Variants in RAD51B observed in about 807,000 individuals in gnomAD.
The protein encoded by RAD51B is RAD51 paralog B, also known as DNA repair protein RAD51 homolog 2.
RAD51B carries 38 observed loss-of-function variants against 42.2 expected under a neutral mutation model. That is an observed-to-expected ratio of 0.90 (90% confidence interval 0.70 to 1.18). The LOEUF (loss-of-function observed/expected upper bound fraction) is 1.18, where lower values mean the gene tolerates loss of function less well. Among genes scored for constraint, RAD51B ranks in the 50% most tolerant of loss-of-function variants. The pLI, the probability that RAD51B is intolerant of heterozygous loss-of-function variation, is 0.00. For synonymous variants in RAD51B, 154 were observed against 145.2 expected (o/e 1.06, Z -0.43); for missense variants, 373 against 400.7 (o/e 0.93, Z 0.59).
At chr14:68,581,630 T>C (rs1890212905) in intron 10 of RAD51B, among the ~76,000 whole-genome samples, 1 of 152,182 alleles carries the variant, frequency 6.6e-6, no homozygotes, top group Non-Finnish European at 1.5e-5. Flanking sequence ...TACCATTGAC[T>C]TTCTTCACAA....
chr14:68,593,303 T>C (rs1890839738), intron 10 of RAD51B, among the ~76,000 whole-genome samples: 1 of 152,234 alleles, frequency 6.6e-6, no homozygotes, highest in Non-Finnish European at 1.5e-5. Flanking sequence ...TTCTAAGGAC[T>C]AAATGAGTTA....
At chr14:68,124,681 T>C (rs965869124) in intron 7 of RAD51B, among the ~76,000 whole-genome samples, 3 of 152,096 alleles carry the variant, frequency 2.0e-5, no homozygotes, top group East Asian at 1.9e-4. Context: ...AGGCCGGGTG[T>C]GGTGGCTCAC....
At chr14:68,589,202 A>G (rs1480779968) in intron 10 of RAD51B, among the ~76,000 whole-genome samples, 1 of 152,218 alleles carries the variant, frequency 6.6e-6, no homozygotes. Context: ...AATATGGTCA[A>G]TAAATGGTAG....
intron 7 of RAD51B, among the ~76,000 whole-genome samples, chr14:68,046,627 T>G (rs2076305005): frequency 6.6e-6 from 1 of 152,140 alleles, no homozygotes; most frequent in East Asian, 1.9e-4. Context: ...TCCCAACTAC[T>G]CTGGAGGCTG....
chr14:68,524,256 T>C (rs552336289), intron 10 of RAD51B, among the ~76,000 whole-genome samples: 2 of 152,330 alleles, frequency 1.3e-5, no homozygotes, highest in South Asian at 2.1e-4. Flanking sequence ...AAATGAGCTA[T>C]GCATGTCAAA....
intron 7 of RAD51B, among the ~76,000 whole-genome samples, chr14:68,078,039 T>C (rs1216503784): frequency 6.6e-6 from 1 of 152,240 alleles, no homozygotes; most frequent in Non-Finnish European, 1.5e-5. Flanking sequence ...GTGAGCTACC[T>C]AGTATTCTAG....
chr14:67,911,736 T>C (rs1167853833), intron 7 of RAD51B, among the ~76,000 whole-genome samples: 1 of 152,200 alleles, frequency 6.6e-6, no homozygotes, highest in Non-Finnish European at 1.5e-5. Flanking sequence ...AGTCAGGAGA[T>C]GTAACCTTAG....
intron 9 of RAD51B, among the ~76,000 whole-genome samples, chr14:68,447,705 G>A (rs1566889999): frequency 6.6e-6 from 1 of 151,992 alleles, no homozygotes; most frequent in Non-Finnish European, 1.5e-5. Context: ...TCATTTTTGG[G>A]TTTTAGTTAG....
intron 7 of RAD51B, among the ~76,000 whole-genome samples, chr14:68,089,536 A>G (rs1253158770): frequency 6.6e-6 from 1 of 152,114 alleles, no homozygotes; most frequent in Admixed American, 6.6e-5. Flanking sequence ...TCAGAACTCA[A>G]TACCCTACTA....
chr14:68,333,537 T>C (rs73272301), intron 8 of RAD51B, among the ~76,000 whole-genome samples: 6,479 of 152,296 alleles, frequency 0.043, 424 homozygotes, highest in African/African-American at 0.13. Context: ...GCTACACTTC[T>C]AGCTGTGAGC....
chr14:68,168,436 T>A (rs1332506519), intron 7 of RAD51B, among the ~76,000 whole-genome samples: 1 of 152,164 alleles, frequency 6.6e-6, no homozygotes, highest in African/African-American at 2.4e-5. Context: ...TTTTTATAGA[T>A]CTTAGATATA....
intron 8 of RAD51B, among the ~76,000 whole-genome samples, chr14:68,378,294 A>G (rs904453192): frequency 2.0e-5 from 3 of 152,150 alleles, no homozygotes; most frequent in African/African-American, 7.2e-5. Context: ...CTATATGTTA[A>G]ATTATAAAAA....
intron 7 of RAD51B, among the ~76,000 whole-genome samples, chr14:68,051,882 G>A (rs1294561820): frequency 3.4e-5 from 5 of 148,852 alleles, no homozygotes; most frequent in Non-Finnish European, 7.4e-5. Flanking sequence ...ATATGTGTGT[G>A]TGTGTGTGTG....
In RAD51B at chr14:68,057,927, C is replaced by T. The variant is rs111533623; in HGVS notation, c.756+170723C>T. Among the ~76,000 whole-genome samples the T allele has an allele frequency of 5.7e-3, 866 of 150,864 alleles. 9 individuals carry two copies. Among genetic ancestry groups the T allele is most frequent in the African/African-American group, 0.02 (823 of 41,058 alleles). ...AAGAGAAGATAATCAGAGGCCTTTT[C>T]GTTCTTATCAAATTAAGTTGCTTTA... On this transcript the variant is annotated intron_variant, in intron 7 of 10. Transcript: ENST00000471583.
At chr14:68,507,878 C>T (rs1885450968) in intron 10 of RAD51B, among the ~76,000 whole-genome samples, 1 of 152,326 alleles carries the variant, frequency 6.6e-6, no homozygotes, top group Middle Eastern at 3.4e-3. Flanking sequence ...AATCTCCTGG[C>T]TGTTGGGTTC....
At chr14:68,598,029 C>T (rs1023642071), downstream of RAD51B, among the ~76,000 whole-genome samples, 1 of 151,964 alleles carries the variant, frequency 6.6e-6, no homozygotes, top group South Asian at 2.1e-4. Context: ...AATAGACGGC[C>T]GTCCTAGAGA....
intron 10 of RAD51B, among the ~76,000 whole-genome samples, chr14:68,518,406 G>T (rs1273441922): frequency 6.6e-6 from 1 of 152,196 alleles, no homozygotes; most frequent in Non-Finnish European, 1.5e-5. Context: ...ACAGGCAGTT[G>T]TGTCCTGAGC....
Position 68,507,916 on chromosome 14 carries a change from G to A in RAD51B, c.1036+39666G>A, listed in dbSNP as rs1038770052. 2.6e-5 allele frequency among the ~76,000 whole-genome samples: 4 copies of A among 152,248 alleles called. No homozygotes were observed. The East Asian group carries it at 5.8e-4, about 22-fold the overall frequency. On this transcript the variant is annotated intron_variant, in intron 10 of 10. Transcript: ENST00000487270. ...TGGAGCAGAGAGCCTGAACCCACCC[G>A]GAAACCAAGTCTAGACAAAACAGAG...
chr14:68,429,903 C>G (rs996822505), intron 9 of RAD51B, among the ~76,000 whole-genome samples: 2 of 151,548 alleles, frequency 1.3e-5, no homozygotes, highest in Non-Finnish European at 2.9e-5. Flanking sequence ...AGTCTTTAAT[C>G]CATCTTGAAT....
Sources: gnomAD v4.1 joint callset for allele counts (sites outside exome capture counted in the v4.1 genomes callset) on GRCh38, gnomAD v4.1.1 for gene constraint, MANE v1.5 for transcripts, NCBI Gene and HGNC (gene_info 2026-07-23, HGNC 2026-07-21) for gene names.